The following FRAS1 variants were observed in gnomAD, a reference collection of about 807,000 sequenced individuals.
FRAS1 encodes extracellular matrix organizing protein FRAS1.
A neutral mutation model predicts 435.2 loss-of-function variants in FRAS1; 290 were observed. The ratio of observed to expected loss-of-function variants is 0.67; its 90% CI spans 0.61 to 0.73. The LOEUF is 0.73. Among genes scored for constraint, FRAS1 ranks in the 30% least tolerant of loss-of-function variants. The pLI is 0.00. For synonymous variants in FRAS1, 1,800 were observed against 1,851.0 expected, an observed-to-expected ratio of 0.97 and a Z score of 0.71; for missense variants, 4,860 against 5,001.5, an observed-to-expected ratio of 0.97 and a Z score of 0.85.
chr4:78,304,422 G>A (rs1208328780), intron 14 of FRAS1, among the ~76,000 whole-genome samples: 1 of 152,214 alleles, frequency 6.6e-6, no homozygotes, highest in Admixed American at 6.5e-5. Flanking sequence ...AATAGTTTCA[G>A]AAGGAATGGT....
At chr4:78,332,455 T>C (rs1729984007) in intron 18 of FRAS1, among the ~76,000 whole-genome samples, 1 of 152,238 alleles carries the variant, frequency 6.6e-6, no homozygotes, top group Non-Finnish European at 1.5e-5. Context: ...TCTTTGCCTT[T>C]AGTCTCTTTT....
chr4:78,177,306 C>A (rs967271501), intron 2 of FRAS1, among the ~76,000 whole-genome samples: 2 of 152,088 alleles, frequency 1.3e-5, no homozygotes, highest in Non-Finnish European at 2.9e-5. Context: ...ATTATGAAAG[C>A]TAAATGGTAG....
At chr4:78,377,821 G>A (rs772726267) in intron 26 of FRAS1, among the ~76,000 whole-genome samples, 81 of 152,104 alleles carry the variant, frequency 5.3e-4, no homozygotes, top group Non-Finnish European at 9.0e-4. Flanking sequence ...TAAAATTCCC[G>A]AGGTCCTACC....
At chr4:78,196,259 G>T (rs928736097) in intron 2 of FRAS1, among the ~76,000 whole-genome samples, 5 of 152,102 alleles carry the variant, frequency 3.3e-5, no homozygotes, top group African/African-American at 1.2e-4. Flanking sequence ...CGCCTGCCTT[G>T]GCCTCCCAAA....
At position 78,096,714 on chromosome 4, in the gene FRAS1, G is replaced by A. The variant is rs1741827572; in HGVS notation, c.108+30698G>A. On this transcript the variant is annotated intron_variant, in intron 2 of 73. Coordinates refer to ENST00000512123, the MANE Select transcript of FRAS1 (RefSeq NM_025074.7). ...ATGGCTGGAGTAGCTCAGAGGCAGG[G>A]CACCAAATCCCTACACTCCACACAG... 2.6e-5 allele frequency among the ~76,000 whole-genome samples: 4 copies of A among 152,204 alleles called. No homozygotes were observed. The South Asian group carries it at 8.3e-4, about 32-fold the overall frequency.
intron 66 of FRAS1, among the ~76,000 whole-genome samples, chr4:78,518,900 G>A (rs1721299376): frequency 6.6e-6 from 1 of 152,150 alleles, no homozygotes; most frequent in Admixed American, 6.5e-5. Context: ...TCTTCCTGAT[G>A]ATGGTTGACT....
Position 78,144,190 on chromosome 4 carries a change from G to A in FRAS1, c.108+78174G>A, listed in dbSNP as rs184032128. ...ACAAAAAAACTCAAGAAGAAAAAAAGAATGATAAATGCAACTCAGAGAAAA... is the reference window on the plus strand; with the variant it reads ...ACAAAAAAACTCAAGAAGAAAAAAAAAATGATAAATGCAACTCAGAGAAAA... On this transcript the variant is annotated intron_variant, in intron 2 of 73. Coordinates refer to ENST00000512123, the MANE Select transcript of FRAS1 (RefSeq NM_025074.7). Among the ~76,000 whole-genome samples, 544 of 151,604 alleles carry A rather than the reference G, an allele frequency of 3.6e-3. 3 individuals are homozygous for A. Among genetic ancestry groups the A allele is most frequent in the Middle Eastern group, 0.01 (3 of 292 alleles).
chr4:78,444,071 T>A (rs747491153), intron 41 of FRAS1: 1 of 424,988 alleles, frequency 2.4e-6, no homozygotes, highest in Non-Finnish European at 4.6e-6. Flanking sequence ...CCTAGTCTGG[T>A]CTTGAAGTCC....
intron 69 of FRAS1, among the ~76,000 whole-genome samples, chr4:78,525,570 A>G (rs566911796): frequency 5.1e-4 from 78 of 152,264 alleles, no homozygotes; most frequent in Non-Finnish European, 9.4e-4. Flanking sequence ...CTGTCAATTT[A>G]CTGATAAATA....
Position 78,519,375 on chromosome 4 carries a change from A to T in FRAS1, c.10434A>T (p.Leu3478=), listed in dbSNP as rs774665117. The part of the protein sequence containing the change: ...AQSFLTVHVP[L]YVSYIYVTAP... Reference sequence around the variant, plus strand: ...CCTTCTTGACAGTGCACGTGCCTCTATATGTGTCCTACATCTATGTGACAG... The same window carrying T: ...CCTTCTTGACAGTGCACGTGCCTCTTTATGTGTCCTACATCTATGTGACAG... The change falls in exon 67 of 74, where the codon CTA becomes CTT. Residue 3478 remains leucine (L), a synonymous_variant. Coordinates refer to ENST00000512123, the MANE Select transcript of FRAS1 (RefSeq NM_025074.7). 6.2e-7 allele frequency: 1 copy of T among 1,604,760 alleles called. No individual in the cohort carries two copies. The highest frequency in any genetic ancestry group is 8.5e-7 in the Non-Finnish European group (1 of 1,176,948).
rs1056489440 is a variant in FRAS1, at chr4:78,377,970, T to C, written c.3293-1756T>C. 3.9e-5 allele frequency among the ~76,000 whole-genome samples: 6 copies of C among 152,122 alleles called. No homozygotes were observed. The South Asian group carries it at 8.3e-4, about 21-fold the overall frequency. ...TCATGCTTTAAAGTATACAATTCAG[T>C]GGTTTTTAGTGTATTCACAAAGTTG... On this transcript the variant is annotated intron_variant, in intron 26 of 73. Coordinates refer to ENST00000512123, the MANE Select transcript of FRAS1 (RefSeq NM_025074.7).
chr4:78,200,012 C>A (rs1202377954), intron 2 of FRAS1, among the ~76,000 whole-genome samples: 1 of 152,110 alleles, frequency 6.6e-6, no homozygotes, highest in African/African-American at 2.4e-5. Flanking sequence ...AAAAATAGTT[C>A]CCTGCCTTTG....
chr4:78,431,370 G>A (rs1481713812), intron 37 of FRAS1, among the ~76,000 whole-genome samples: 1 of 152,174 alleles, frequency 6.6e-6, no homozygotes, highest in Non-Finnish European at 1.5e-5. Context: ...CTCTGTATAT[G>A]TGCAGTTAAC....
chr4:78,440,744 C>T (rs558214824), intron 40 of FRAS1, among the ~76,000 whole-genome samples: 1 of 152,214 alleles, frequency 6.6e-6, no homozygotes, highest in East Asian at 1.9e-4. Context: ...ATGAGAATGC[C>T]TATAGGACAC....
intron 66 of FRAS1, among the ~76,000 whole-genome samples, chr4:78,518,420 G>GTGTATATATATATATATATA (rs1560423026): frequency 2.7e-4 from 18 of 65,704 alleles, no homozygotes; most frequent in African/African-American, 1.3e-3. Context: ...TTTTTTTGTT[G>GTGTATATATATATATATATA]TGTATATATA....
intron 31 of FRAS1, among the ~76,000 whole-genome samples, chr4:78,408,917 A>G (rs889153165): frequency 3.3e-5 from 5 of 152,078 alleles, no homozygotes; most frequent in African/African-American, 9.7e-5. Flanking sequence ...TCAGTCCAGG[A>G]GTTTGAGACC....
intron 2 of FRAS1, among the ~76,000 whole-genome samples, chr4:78,185,935 C>T (rs1012318861): frequency 3.3e-5 from 5 of 152,186 alleles, no homozygotes; most frequent in Admixed American, 3.3e-4. Flanking sequence ...TCTTTGCTGA[C>T]CCTTTCCTAT....
At chr4:78,519,271 T>C (rs2903471) in intron 66 of FRAS1, 60 bp from the exon 67 acceptor site, 925,802 of 1,397,214 alleles carry the variant, frequency 0.66, 309,130 homozygotes, top group African/African-American at 0.82. Flanking sequence ...GATGTGGTGA[T>C]AGTATGTCTT....
intron 36 of FRAS1, 55 bp from the exon 37 acceptor site, chr4:78,430,237 T>C (rs987506091): frequency 1.2e-6 from 2 of 1,609,846 alleles, no homozygotes; most frequent in African/African-American, 1.3e-5. Context: ...ATATATAGTC[T>C]ATCGTCTTTA....
Sources: allele counts gnomAD v4.1 joint callset (sites outside exome capture counted in the v4.1 genomes callset), GRCh38; gene constraint gnomAD v4.1.1; transcripts MANE v1.5; gene names NCBI Gene and HGNC (gene_info 2026-07-23, HGNC 2026-07-21).